The following THSD7A variants were observed in gnomAD, a reference collection of about 807,000 sequenced individuals.
THSD7A encodes the protein thrombospondin type 1 domain containing 7A, also known as thrombospondin type-1 domain-containing protein 7A.
Under a neutral mutation model 231.3 loss-of-function variants are expected in THSD7A, and 96 were observed. The ratio of observed to expected loss-of-function variants is 0.41; its 90% CI spans 0.35 to 0.49. The LOEUF is 0.49. THSD7A is among the 20% of genes least tolerant of loss of function. THSD7A has a pLI of 0.05. For missense variants in THSD7A, 2,290 were observed against 2,070.2 expected, an observed-to-expected ratio of 1.11 and a Z score of -2.06; for synonymous variants, 940 against 743.3, an observed-to-expected ratio of 1.26 and a Z score of -4.30.
At chr7:11,506,828 TAG>T (rs1787564028) in intron 6 of THSD7A, among the ~76,000 whole-genome samples, 1 of 152,210 alleles carries the variant, frequency 6.6e-6, no homozygotes, top group African/African-American at 2.4e-5. Context: ...TCTATCTTCC[TAG>T]AGAGTCTTTG....
intron 2 of THSD7A, among the ~76,000 whole-genome samples, chr7:11,608,820 A>G (rs1464667065): frequency 6.6e-6 from 1 of 152,054 alleles, no homozygotes; most frequent in East Asian, 1.9e-4. Flanking sequence ...TTTAAATCCA[A>G]TATAATGGTT....
chr7:11,792,794 T>C (rs1245211137), intron 1 of THSD7A, among the ~76,000 whole-genome samples: 1 of 151,986 alleles, frequency 6.6e-6, no homozygotes, highest in Non-Finnish European at 1.5e-5. Context: ...TTTTGATCCA[T>C]ACAATCTCTG....
chr7:11,593,255 T>G lies in THSD7A; in HGVS notation c.1270A>C (p.Thr424Pro). 12 of 1,613,890 alleles carry G rather than the reference T, an allele frequency of 7.4e-6. No homozygotes were observed. Among genetic ancestry groups the G allele is most frequent in the Non-Finnish European group, 1.0e-5 (12 of 1,179,878 alleles). ...SQGDGVVPCA[T>P]YGWRTTEWTE... ...CTATACCCTTCTTTATTTACTCACG[T>G]GGCACAGGGGACAACTCCATCTCCT... Residue 424 changes from threonine to proline, a missense_variant and splice_region_variant, in exon 3 of 28, where the codon ACG becomes CCG. Coordinates refer to ENST00000423059, the MANE Select transcript of THSD7A (RefSeq NM_015204.3).
At chr7:11,753,741 A>G (rs1485292042) in intron 1 of THSD7A, among the ~76,000 whole-genome samples, 1 of 151,926 alleles carries the variant, frequency 6.6e-6, no homozygotes. Flanking sequence ...AGATTAATGC[A>G]CTTGCTAAAT....
chr7:11,528,309 T>C (rs1216995155), intron 6 of THSD7A, among the ~76,000 whole-genome samples: 1 of 152,182 alleles, frequency 6.6e-6, no homozygotes, highest in Non-Finnish European at 1.5e-5. Flanking sequence ...AGAGCTCCAA[T>C]GTCTCTTTTA....
intron 22 of THSD7A, among the ~76,000 whole-genome samples, chr7:11,404,726 G>C (rs906672177): frequency 6.6e-6 from 1 of 152,150 alleles, no homozygotes; most frequent in African/African-American, 2.4e-5. Flanking sequence ...TAGAAAGTCA[G>C]ATTTTCTTTT....
At chr7:11,472,438 C>A (rs1041858768) in intron 8 of THSD7A, among the ~76,000 whole-genome samples, 2 of 152,112 alleles carry the variant, frequency 1.3e-5, no homozygotes, top group Admixed American at 1.3e-4. Context: ...AGAAAGAATT[C>A]ACTGAATTTA....
Position 11,554,315 on chromosome 7 carries a change from T to C in THSD7A, c.1454-11198A>G, listed in dbSNP as rs116315607. On this transcript the variant is annotated intron_variant, in intron 4 of 27. Coordinates refer to ENST00000423059, the MANE Select transcript of THSD7A (RefSeq NM_015204.3). ...AAGGCATACAGAGAAGTACCATGCTTAACGAAGACAGAGTTTGGAATGATG... is the reference window on the plus strand; with the variant it reads ...AAGGCATACAGAGAAGTACCATGCTCAACGAAGACAGAGTTTGGAATGATG... Among the ~76,000 whole-genome samples, 560 of 152,134 alleles carry C rather than the reference T, an allele frequency of 3.7e-3. 7 individuals are homozygous for C. Among genetic ancestry groups the C allele is most frequent in the African/African-American group, 0.013 (533 of 41,534 alleles).
At chr7:11,600,510 G>T (rs1278465115) in intron 2 of THSD7A, among the ~76,000 whole-genome samples, 1 of 152,122 alleles carries the variant, frequency 6.6e-6, no homozygotes, top group Admixed American at 6.6e-5. Flanking sequence ...GCCTACATAT[G>T]AAGATGAAGA....
intron 6 of THSD7A, among the ~76,000 whole-genome samples, chr7:11,491,915 C>G (rs1786909257): frequency 6.6e-6 from 1 of 151,942 alleles, no homozygotes; most frequent in Non-Finnish European, 1.5e-5. Flanking sequence ...TTCTTTCTTT[C>G]TTTCTATTCT....
intron 6 of THSD7A, among the ~76,000 whole-genome samples, chr7:11,500,816 A>G (rs2128310225): frequency 6.6e-6 from 1 of 151,908 alleles, no homozygotes; most frequent in East Asian, 1.9e-4. Context: ...GGTGCCTGTA[A>G]TCCCAGCTAC....
chr7:11,781,042 ATAGGG>A (rs1783613327), intron 1 of THSD7A, among the ~76,000 whole-genome samples: 1 of 139,092 alleles, frequency 7.2e-6, no homozygotes. Context: ...AAAAAAATTT[ATAGGG>A]AGAATTATGA....
intron 23 of THSD7A, 34 bp downstream of exon 23, chr7:11,401,761 G>T (rs370424154): frequency 6.5e-6 from 10 of 1,540,676 alleles, no homozygotes; most frequent in East Asian, 2.4e-5. Context: ...TTATGCTTTT[G>T]CTTAAGATAG....
At chr7:11,585,161 A>G (rs1406490186) in intron 4 of THSD7A, among the ~76,000 whole-genome samples, 1 of 152,188 alleles carries the variant, frequency 6.6e-6, no homozygotes, top group Non-Finnish European at 1.5e-5. Context: ...TTTCTCCAAT[A>G]AAAACTCTTA....
chr7:11,406,535 C>T lies in THSD7A; in HGVS notation c.4063-61G>A. The stretch of plus-strand genomic sequence containing the variant: ...AGAAATACTTCATTAGAGAGCTCAT[C>T]ACTTAGTTATCTCTGCACCACTGAC... On this transcript the variant is annotated intron_variant, in intron 21 of 27. Coordinates refer to ENST00000423059, the MANE Select transcript of THSD7A (RefSeq NM_015204.3). The surrounding 1 kb of genome is among the most constrained non-coding windows in gnomAD (Gnocchi z 4.7). 1.4e-6 allele frequency: 2 copies of T among 1,466,272 alleles called. No homozygotes were observed. The highest frequency in any genetic ancestry group is 1.8e-6 in the Non-Finnish European group (2 of 1,094,520). 90.8% of individuals were successfully genotyped at this position (1,466,272 alleles called of 1,614,324 possible). A position where few individuals can be genotyped will look rare whatever the true frequency, so the allele number is the denominator to read the frequency against.
At chr7:11,578,933 G>A (rs1261601045) in intron 4 of THSD7A, among the ~76,000 whole-genome samples, 1 of 152,110 alleles carries the variant, frequency 6.6e-6, no homozygotes, top group Non-Finnish European at 1.5e-5. Context: ...TTGTGAAGAG[G>A]TACAACCAGT....
intron 1 of THSD7A, among the ~76,000 whole-genome samples, chr7:11,811,958 T>C (rs1231025101): frequency 6.6e-6 from 1 of 152,146 alleles, no homozygotes; most frequent in African/African-American, 2.4e-5. Context: ...TTTCCTGAAA[T>C]TAAAAGTATA....
chr7:11,666,015 G>A (rs1234602522), intron 1 of THSD7A, among the ~76,000 whole-genome samples: 2 of 151,968 alleles, frequency 1.3e-5, no homozygotes, highest in Non-Finnish European at 2.9e-5. Flanking sequence ...AACGGTGACA[G>A]GTAATTTTAC....
At chr7:11,424,937 C>A in intron 15 of THSD7A, 108 bp from the exon 16 acceptor site, 2 of 1,307,310 alleles carry the variant, frequency 1.5e-6, no homozygotes, top group Non-Finnish European at 2.1e-6. Context: ...CTTTCACTCC[C>A]CTCCTTTACT....
Sources: gnomAD v4.1 joint callset for allele counts (sites outside exome capture counted in the v4.1 genomes callset) on GRCh38, gnomAD v4.1.1 for gene constraint, Gnocchi (gnomAD v3.1) non-coding constraint, MANE v1.5 for transcripts, NCBI Gene and HGNC (gene_info 2026-07-23, HGNC 2026-07-21) for gene names.